PTGDS: variants seen among roughly 807,000 people sequenced by gnomAD.
PTGDS encodes the protein prostaglandin D2 synthase.
In PTGDS, 21 loss-of-function variants were observed where a neutral mutation model predicts 28.4. The ratio of observed to expected loss-of-function variants is 0.74; its 90% CI spans 0.52 to 1.07. The LOEUF (loss-of-function observed/expected upper bound fraction) is 1.07, where lower values mean the gene tolerates loss of function less well. Ranked by LOEUF, PTGDS falls within the 50% of genes least tolerant of loss-of-function variation. The pLI, the probability that PTGDS is intolerant of heterozygous loss-of-function variation, is 0.00. For synonymous variants in PTGDS, 102 were observed against 106.0 expected, an observed-to-expected ratio of 0.96 and a Z score of 0.23; for missense variants, 243 against 247.7, an observed-to-expected ratio of 0.98 and a Z score of 0.13.
chr9:136,980,755 G>T (rs1434905266), intron 5 of PTGDS, 78 bp from the exon 6 acceptor site: 4 of 1,613,874 alleles, frequency 2.5e-6, no homozygotes, highest in African/African-American at 1.3e-5. Context: ...CTGCGTTACG[G>T]GAGGAACAGG....
intron 1 of PTGDS, among the ~76,000 whole-genome samples, chr9:136,978,475 G>A (rs1266795975): frequency 1.6e-5 from 2 of 127,892 alleles, no homozygotes; most frequent in African/African-American, 2.9e-5. Context: ...GGGGGAGGGG[G>A]AAGTGGGGCG....
At chr9:136,978,865 G>C (rs1412838031) in intron 1 of PTGDS, 128 bp from the exon 2 acceptor site, 2 of 1,380,898 alleles carry the variant, frequency 1.4e-6, no homozygotes, top group South Asian at 2.5e-5. Context: ...GTGGCTGCTC[G>C]GGGGATTGGG....
rs146717258 is a variant in PTGDS, at chr9:136,980,866, C to CCATTCATT, written c.*42_*49dup. The CCATTCATT allele has an allele frequency of 0.16, 211,445 of 1,316,468 alleles. 12,672 individuals carry two copies. The highest frequency in any genetic ancestry group is 0.19 in the African/African-American group (13,215 of 68,800). The allele number at this position is 1,316,468 out of a possible 1,614,324, so 81.5% of individuals were successfully genotyped here. A position where few individuals can be genotyped will look rare whatever the true frequency, so the allele number is the denominator to read the frequency against. On this transcript the variant is annotated intron_variant, in intron 6 of 6. Coordinates refer to ENST00000371625, the MANE Select transcript of PTGDS (RefSeq NM_000954.6). ...ATGACGGAACAATAGGTGAGCCACT[C>CCATTCATT]CATTCATTCATTCATTCATTCATTC...
chr9:136,979,389 C>A, intron 3 of PTGDS, 90 bp downstream of exon 3: 1 of 1,576,078 alleles, frequency 6.3e-7, no homozygotes, highest in Non-Finnish European at 8.6e-7. Flanking sequence ...CGCGGAGATC[C>A]ATGGGGTGGG....
chr9:136,980,361 G>T, intron 5 of PTGDS, 77 bp downstream of exon 5: 19 of 1,492,502 alleles, frequency 1.3e-5, no homozygotes, highest in Non-Finnish European at 1.7e-5. Context: ...ACTGGGGGAG[G>T]CAGAGGGGAG....
intron 5 of PTGDS, 163 bp from the exon 6 acceptor site, chr9:136,980,670 T>C (rs1830437538): frequency 6.3e-7 from 1 of 1,578,176 alleles, no homozygotes; most frequent in Admixed American, 1.8e-5. Flanking sequence ...GACCCTCTCT[T>C]TGTTTCCAGT....
At chr9:136,977,715 C>T in intron 1 of PTGDS, 23 bp downstream of exon 1, 1 of 1,546,386 alleles carries the variant, frequency 6.5e-7, no homozygotes, top group Non-Finnish European at 8.7e-7. Context: ...CCTGCGTCAT[C>T]CCCAAGGGCT....
At chr9:136,978,875 G>T (rs758951243) in intron 1 of PTGDS, 118 bp from the exon 2 acceptor site, 7 of 1,430,564 alleles carry the variant, frequency 4.9e-6, no homozygotes, top group East Asian at 2.5e-5. Context: ...GGGGGATTGG[G>T]CGTGGGGGCG....
At chr9:136,978,318 C>T (rs913735999) in intron 1 of PTGDS, among the ~76,000 whole-genome samples, 2 of 152,020 alleles carry the variant, frequency 1.3e-5, no homozygotes, top group Admixed American at 6.5e-5. Flanking sequence ...AGAATCGGGA[C>T]CGGGGGCGGA....
chr9:136,980,944 A>AG, intron 6 of PTGDS, 89 bp downstream of exon 6: 4 of 1,481,626 alleles, frequency 2.7e-6, no homozygotes, highest in Non-Finnish European at 3.6e-6. Flanking sequence ...GGGATGGATC[A>AG]GGGCCCCAGG....
At position 136,979,023 on chromosome 9, in the gene PTGDS, G is replaced by A. The variant is rs1830416387; in HGVS notation, c.145G>A (p.Ala49Thr). ...GGGGCGCTGGTTCAGCGCGGGCCTC[G>A]CCTCCAACTCGAGCTGGCTCCGGGA... ...FLGRWFSAGL[A>T]SNSSWLREKK... The change falls in exon 2 of 7, where the codon GCC (alanine) becomes ACC (threonine). Residue 49 changes from alanine to threonine, a missense_variant. By Grantham distance (58) the Ala-to-Thr change is moderately conservative (BLOSUM62 0). Transcript: ENST00000371625. 1.2e-6 allele frequency: 2 copies of A among 1,608,708 alleles called. No individual in the cohort carries two copies. Among genetic ancestry groups the A allele is most frequent in the East Asian group, 2.2e-5 (1 of 44,798 alleles).
At chr9:136,981,046 G>T (rs1388692486) in intron 6 of PTGDS, 191 bp downstream of exon 6, 2 of 776,276 alleles carry the variant, frequency 2.6e-6, no homozygotes, top group Non-Finnish European at 4.0e-6. Flanking sequence ...TGGGTGCACA[G>T]GTGTGAGGCT....
At position 136,977,605 on chromosome 9, in the gene PTGDS, G is replaced by A; in HGVS notation, c.27G>A (p.Met9Ile). Residue 9 changes from methionine (M) to isoleucine (I), a missense_variant, in exon 1 of 7, where the codon ATG becomes ATA. Met to Ile is a conservative substitution (Grantham distance 10). Coordinates refer to ENST00000371625, the MANE Select transcript of PTGDS (RefSeq NM_000954.6). MATHHTLW[M>I]GLALLGVLGD... ...TGGCTACTCATCACACACTGTGGAT[G>A]GGACTGGCCCTGCTGGGGGTGCTGG... The A allele has an allele frequency of 6.2e-7, 1 of 1,608,214 alleles. No homozygotes were observed. The highest frequency in any genetic ancestry group is 8.5e-7 in the Non-Finnish European group (1 of 1,178,158).
At position 136,977,625 on chromosome 9, in the gene PTGDS, TGCTGGGCGACCTGCAGGCA is replaced by T. The variant is rs1830382451; in HGVS notation, c.50_68del (p.Leu17HisfsTer57). The T allele has an allele frequency of 6.2e-7, 1 of 1,609,350 alleles. No homozygotes were observed. Among genetic ancestry groups the T allele is most frequent in the Non-Finnish European group, 8.5e-7 (1 of 1,178,624 alleles). On this transcript the variant is annotated frameshift_variant, in exon 1 of 7. Coordinates refer to ENST00000371625, the MANE Select transcript of PTGDS (RefSeq NM_000954.6). LOFTEE classifies it high-confidence loss of function. ...TGGATGGGACTGGCCCTGCTGGGGG[TGCTGGGCGACCTGCAGGCA>T]GCACCGGAGGCCCAGGTCTCCGTGC...
chr9:136,980,749 G>A (rs1389163936), intron 5 of PTGDS, 84 bp from the exon 6 acceptor site: 17 of 1,613,656 alleles, frequency 1.1e-5, no homozygotes, highest in East Asian at 2.2e-5. Context: ...CGAGCTCTGC[G>A]TTACGGGAGG....
chr9:136,978,201 G>A (rs949002897), intron 1 of PTGDS, among the ~76,000 whole-genome samples: 7 of 151,350 alleles, frequency 4.6e-5, no homozygotes, highest in Non-Finnish European at 1.0e-4. Context: ...GCGTCGAGGA[G>A]AACCCCAGCG....
Position 136,979,097 on chromosome 9 carries a change from GGAT to G in PTGDS, c.221_223del (p.Asp74del), listed in dbSNP as rs1250343757. On this transcript the variant is annotated inframe_deletion, in exon 2 of 7. Coordinates refer to ENST00000371625, the MANE Select transcript of PTGDS (RefSeq NM_000954.6). ...GCAAGTCTGTGGTGGCCCCTGCCAC[GGAT>G]GGTGGCCTCAACCTGACCTCCACCT... The G allele has an allele frequency of 6.2e-7, 1 of 1,611,794 alleles. No homozygotes were observed. The highest frequency in any genetic ancestry group is 1.3e-5 in the African/African-American group (1 of 74,848).
At position 136,981,032 on chromosome 9, in the gene PTGDS, T is replaced by C. The variant is rs375751114; in HGVS notation, c.*177T>C. 80 of 875,432 alleles carry C rather than the reference T, an allele frequency of 9.1e-5. No individual in the cohort carries two copies. In the South Asian group the frequency reaches 9.1e-4, roughly 10 times the overall value. The allele number at this position is 875,432 out of a possible 1,614,324, so 54.2% of individuals were successfully genotyped here. The stretch of plus-strand genomic sequence containing the variant: ...GCGGGAGACACTGGGGCTGCCCACA[T>C]TGATGGGTGCACAGGTGTGAGGCTC... On this transcript the variant is annotated intron_variant, in intron 6 of 6. Transcript: ENST00000371625.
At chr9:136,978,516 C>G (rs1235935170) in intron 1 of PTGDS, among the ~76,000 whole-genome samples, 3 of 10,946 alleles carry the variant, frequency 2.7e-4, no homozygotes, top group East Asian at 2.2e-3. Context: ...GCGTGAGGGG[C>G]GGGGCCACCT....
Sources: allele counts gnomAD v4.1 joint callset (sites outside exome capture counted in the v4.1 genomes callset), GRCh38; gene constraint gnomAD v4.1.1; transcripts MANE v1.5; gene names NCBI Gene and HGNC (gene_info 2026-07-23, HGNC 2026-07-21).